ZMYM1: variants seen among roughly 807,000 people sequenced by gnomAD.
ZMYM1 encodes zinc finger MYM-type protein 1.
A neutral mutation model predicts 60.0 loss-of-function variants in ZMYM1; 39 were observed. That is an observed-to-expected ratio of 0.65 (90% CI 0.50 to 0.85). ZMYM1 has a LOEUF of 0.85. ZMYM1 is among the 40% of genes least tolerant of loss of function. ZMYM1 has a pLI of 0.00. For synonymous variants in ZMYM1, 413 were observed against 454.0 expected, an observed-to-expected ratio of 0.91 and a Z score of 1.15; for missense variants, 1,171 against 1,309.5, an observed-to-expected ratio of 0.89 and a Z score of 1.63.
At position 35,114,385 on chromosome 1, in the gene ZMYM1, T is replaced by C. The variant is rs1644199216; in HGVS notation, c.2555T>C (p.Leu852Ser). The change falls in exon 10 of 10, where the codon TTG becomes TCG. Residue 852 changes from leucine to serine, a missense_variant. Coordinates refer to ENST00000359858, the MANE Select transcript of ZMYM1 (RefSeq NM_024772.5). Reference protein sequence around the residue: ...FADELSHLLTLVSKFEFVFCL... With the variant: ...FADELSHLLTSVSKFEFVFCL... ...GATGAATTGAGTCATTTGCTGACATTGGTTTCCAAATTTGAATTTGTCTTT... is the reference window on the plus strand; with the variant it reads ...GATGAATTGAGTCATTTGCTGACATCGGTTTCCAAATTTGAATTTGTCTTT... 2 of 1,613,204 alleles carry C rather than the reference T, an allele frequency of 1.2e-6. No individual in the cohort carries two copies. The highest frequency in any genetic ancestry group is 1.7e-6 in the Non-Finnish European group (2 of 1,179,474).
chr1:35,064,273 A>G (rs1446113670), intron 1 of ZMYM1, among the ~76,000 whole-genome samples: 4 of 147,274 alleles, frequency 2.7e-5, no homozygotes, highest in African/African-American at 5.2e-5. Flanking sequence ...AGCCTGGGAA[A>G]CACGGTGAGA....
In ZMYM1 at chr1:35,113,127, A is replaced by G. The variant is rs1451188353; in HGVS notation, c.1297A>G (p.Ile433Val). The G allele has an allele frequency of 1.9e-6, 3 of 1,614,082 alleles. No individual in the cohort carries two copies. The highest frequency in any genetic ancestry group is 2.5e-6 in the Non-Finnish European group (3 of 1,179,978). The stretch of plus-strand genomic sequence containing the variant: ...AAAAGACAATATGAAATCTATGAAA[A>G]TAAGTGATGAACTATGTCACCCAAA... ...VQKDNMKSMK[I>V]SDELCHPKCT... The change falls in exon 10 of 10, where the codon ATA (isoleucine) becomes GTA (valine). Residue 433 changes from isoleucine to valine, a missense_variant. Physicochemically the swap from Ile to Val is conservative, Grantham distance 29. Transcript: ENST00000359858.
intron 4 of ZMYM1, among the ~76,000 whole-genome samples, chr1:35,101,834 C>T (rs906704269): frequency 1.3e-5 from 2 of 152,108 alleles, no homozygotes; most frequent in East Asian, 1.9e-4. Flanking sequence ...TGAGCCACCG[C>T]GCCTGCTATT....
intron 6 of ZMYM1, among the ~76,000 whole-genome samples, chr1:35,107,934 C>G (rs1643947815): frequency 6.6e-6 from 1 of 152,062 alleles, no homozygotes; most frequent in Non-Finnish European, 1.5e-5. Context: ...CATGGTGAAA[C>G]TCCATCTCTA....
At chr1:35,106,876 G>A (rs909210183) in intron 6 of ZMYM1, among the ~76,000 whole-genome samples, 1 of 151,302 alleles carries the variant, frequency 6.6e-6, no homozygotes, top group African/African-American at 2.4e-5. Flanking sequence ...TTTTGAGACG[G>A]AGTCTCGCTC....
Position 35,115,317 on chromosome 1 carries a change from T to G in ZMYM1, c.*58T>G. On this transcript the variant is annotated 3_prime_UTR_variant, in exon 10 of 10. Coordinates refer to ENST00000359858, the MANE Select transcript of ZMYM1 (RefSeq NM_024772.5). ...GTATTTCCATTGGGATGTTTTCATT[T>G]CAAAATTGTTCAAAATTCAAAAGAC... 2.0e-6 allele frequency: 3 copies of G among 1,472,776 alleles called. No homozygotes were observed. Among genetic ancestry groups the G allele is most frequent in the Non-Finnish European group, 2.7e-6 (3 of 1,115,162 alleles). 91.2% of individuals were successfully genotyped at this position (1,472,776 alleles called of 1,614,324 possible).
chr1:35,087,836 GT>G (rs1642741127), intron 1 of ZMYM1, among the ~76,000 whole-genome samples: 1 of 151,982 alleles, frequency 6.6e-6, no homozygotes, highest in Admixed American at 6.6e-5. Flanking sequence ...GCTGAGGCCG[GT>G]GGATCATGAG....
chr1:35,083,276 G>A (rs1004340266), intron 1 of ZMYM1, among the ~76,000 whole-genome samples: 3 of 151,644 alleles, frequency 2.0e-5, no homozygotes, highest in East Asian at 1.9e-4. Context: ...TCGGCCTCCC[G>A]AGTAGCTGGG....
rs750100776 is a variant in ZMYM1 at position 35,114,609 on chromosome 1, G to T, written c.2779G>T (p.Gly927Cys). 6.2e-7 allele frequency: 1 copy of T among 1,609,326 alleles called. No homozygotes were observed. The highest frequency in any genetic ancestry group is 2.2e-5 in the East Asian group (1 of 44,774). Residue 927 changes from glycine (G) to cysteine (C), a missense_variant, in exon 10 of 10, where the codon GGT becomes TGT. Transcript: ENST00000359858. ...EEICQKITCK[G>C]FKVEKPSLQK... ...AATATGTCAAAAAATAACCTGTAAAGGTTTTAAAGTTGAAAAACCTTCTCT... is the reference window on the plus strand; with the variant it reads ...AATATGTCAAAAAATAACCTGTAAATGTTTTAAAGTTGAAAAACCTTCTCT...
intron 1 of ZMYM1, among the ~76,000 whole-genome samples, chr1:35,064,307 A>C (rs11263988): frequency 0.017 from 1,942 of 113,862 alleles, 31 homozygotes; most frequent in African/African-American, 0.062. Context: ...AAAAAAAAAA[A>C]AAAAAACAAA....
At chr1:35,092,921 A>C (rs532798303) in intron 1 of ZMYM1, among the ~76,000 whole-genome samples, 1 of 152,166 alleles carries the variant, frequency 6.6e-6, no homozygotes, top group Admixed American at 6.5e-5. Context: ...CACTGTGCCC[A>C]GCCAACTTCG....
In ZMYM1 at chr1:35,100,306, C is replaced by T. The variant is rs116808696; in HGVS notation, c.419+2740C>T. 2.0e-5 allele frequency among the ~76,000 whole-genome samples: 3 copies of T among 151,934 alleles called. No homozygotes were observed. In the East Asian group the frequency reaches 5.8e-4, roughly 29 times the overall value. Reference sequence around the variant, plus strand: ...AAATGGAAGATCCCTTTGAAGATGACATTTTAAATCTTATTAGAAAGATGC... The same window carrying T: ...AAATGGAAGATCCCTTTGAAGATGATATTTTAAATCTTATTAGAAAGATGC... On this transcript the variant is annotated intron_variant, in intron 4 of 9. Coordinates refer to ENST00000359858, the MANE Select transcript of ZMYM1 (RefSeq NM_024772.5).
chr1:35,113,273 G>T lies in ZMYM1; in HGVS notation c.1443G>T (p.Gln481His). The change falls in exon 10 of 10, where the codon CAG (glutamine) becomes CAT (histidine). Residue 481 changes from glutamine (Q) to histidine (H), a missense_variant. By Grantham distance (24) the Gln-to-His change is conservative (BLOSUM62 0). Coordinates refer to ENST00000359858, the MANE Select transcript of ZMYM1 (RefSeq NM_024772.5). ...ATGTGGCATTCTGTTATTCATGCCA[G>T]TTGTTCTGCCAAAAATATTTTAGCT... is the stretch of plus-strand genomic sequence containing the variant. ...KKDVAFCYSC[Q>H]LFCQKYFSCG... 1 of 1,612,778 alleles carries T rather than the reference G, an allele frequency of 6.2e-7. No individual in the cohort carries two copies. The highest frequency in any genetic ancestry group is 8.5e-7 in the Non-Finnish European group (1 of 1,178,896).
At chr1:35,098,403 AT>A (rs1343540875) in intron 4 of ZMYM1, among the ~76,000 whole-genome samples, 2 of 152,214 alleles carry the variant, frequency 1.3e-5, no homozygotes, top group African/African-American at 4.8e-5. Flanking sequence ...CACTTAGGAT[AT>A]GCTAATTTTT....
chr1:35,116,543 C>G (rs1013569694), downstream of ZMYM1, among the ~76,000 whole-genome samples: 1 of 152,112 alleles, frequency 6.6e-6, no homozygotes, highest in Non-Finnish European at 1.5e-5. Context: ...CTGCAACCTC[C>G]GCCTCCCAGG....
intron 2 of ZMYM1, 80 bp from the exon 3 acceptor site, chr1:35,095,739 A>T: frequency 1.6e-6 from 2 of 1,219,214 alleles, no homozygotes; most frequent in Non-Finnish European, 2.3e-6. Flanking sequence ...ACCACAATTT[A>T]TCATTTTCTG....
chr1:35,079,466 G>C (rs1156699169), intron 1 of ZMYM1, 24 bp downstream of exon 1: 4 of 152,202 alleles, frequency 2.6e-5, no homozygotes, highest in Non-Finnish European at 5.9e-5. Flanking sequence ...TGCGGCTCTG[G>C]TTTCGGTCTT....
intron 1 of ZMYM1, among the ~76,000 whole-genome samples, chr1:35,090,263 C>T (rs1372016642): frequency 6.6e-6 from 1 of 151,828 alleles, no homozygotes; most frequent in African/African-American, 2.4e-5. Flanking sequence ...TGAAGCCAAG[C>T]TAGGGTGGCA....
At chr1:35,088,332 C>T (rs949133193) in intron 1 of ZMYM1, among the ~76,000 whole-genome samples, 2 of 149,562 alleles carry the variant, frequency 1.3e-5, no homozygotes, top group Non-Finnish European at 3.0e-5. Flanking sequence ...GCAGGAGAAT[C>T]GCTTGAACCC....
Sources: gnomAD v4.1 joint callset for allele counts (sites outside exome capture counted in the v4.1 genomes callset) on GRCh38, gnomAD v4.1.1 for gene constraint, MANE v1.5 for transcripts, NCBI Gene and HGNC (gene_info 2026-07-23, HGNC 2026-07-21) for gene names.